The following NXN variants were observed in gnomAD, a reference collection of about 807,000 sequenced individuals.
The protein encoded by NXN is nucleoredoxin, also known as nucleoredoxin 1.
NXN carries 16 observed loss-of-function variants against 48.6 expected under a neutral mutation model. The ratio of observed to expected loss-of-function variants is 0.33; its 90% CI spans 0.22 to 0.50. NXN has a LOEUF of 0.50. Among genes scored for constraint, NXN ranks in the 20% least tolerant of loss-of-function variants. NXN has a pLI of 0.98. For missense variants in NXN, 492 were observed against 605.5 expected (o/e 0.81, Z 1.97); for synonymous variants, 281 against 269.6 (o/e 1.04, Z -0.41).
intron 5 of NXN, among the ~76,000 whole-genome samples, chr17:810,150 ACTG>A (rs1173333241): frequency 3.5e-4 from 30 of 86,044 alleles, no homozygotes; most frequent in Admixed American, 5.9e-4. Context: ...CGAGTCTGTG[ACTG>A]GCGTGCACGT....
intron 5 of NXN, among the ~76,000 whole-genome samples, chr17:814,321 C>T (rs1440406519): frequency 6.6e-6 from 1 of 152,072 alleles, no homozygotes; most frequent in African/African-American, 2.4e-5. Flanking sequence ...TTTCAGGTGA[C>T]CCCCTGGCCT....
chr17:853,241 T>G (rs932218736), intron 1 of NXN, among the ~76,000 whole-genome samples: 6 of 152,094 alleles, frequency 3.9e-5, no homozygotes, highest in South Asian at 2.1e-4. Context: ...GTCAGGAGTT[T>G]GAGACCAGCC....
chr17:876,551 G>A (rs1343621351), intron 1 of NXN, among the ~76,000 whole-genome samples: 1 of 152,204 alleles, frequency 6.6e-6, no homozygotes, highest in African/African-American at 2.4e-5. Context: ...TGGAGAGTAG[G>A]AAGTAAGAGT....
At chr17:805,282 G>A (rs760004624) in intron 5 of NXN, 35 bp from the exon 6 acceptor site, 15 of 1,578,110 alleles carry the variant, frequency 9.5e-6, no homozygotes, top group Admixed American at 6.9e-5. Flanking sequence ...CCGCTGGCCC[G>A]GGAGATGCTG....
At chr17:960,771 C>A (rs2150628487) in intron 1 of NXN, among the ~76,000 whole-genome samples, 1 of 151,098 alleles carries the variant, frequency 6.6e-6, no homozygotes, top group African/African-American at 2.5e-5. Context: ...AGCCACCACG[C>A]CTGGCCAATT....
rs2150630194 is a variant in NXN at position 962,425 on chromosome 17, T to C, written c.360+16894A>G. Reference sequence around the variant, plus strand: ...ACTCACGCCTGTAATCCCAAGACTTTGGGAGGTGGAAGCAGGTGGATCACT... The same window carrying C: ...ACTCACGCCTGTAATCCCAAGACTTCGGGAGGTGGAAGCAGGTGGATCACT... On this transcript the variant is annotated intron_variant, in intron 1 of 7. Coordinates refer to ENST00000336868, the MANE Select transcript of NXN (RefSeq NM_022463.5). Among the ~76,000 whole-genome samples the C allele has an allele frequency of 3.9e-5, 6 of 152,066 alleles. 1 individual carries two copies. In the Middle Eastern group the frequency reaches 0.02, roughly 517 times the overall value.
At chr17:809,837 G>A (rs1440082626) in intron 5 of NXN, among the ~76,000 whole-genome samples, 3 of 152,046 alleles carry the variant, frequency 2.0e-5, no homozygotes, top group Non-Finnish European at 2.9e-5. Context: ...GGCACCTTAC[G>A]AGCCAGTGCG....
intron 1 of NXN, among the ~76,000 whole-genome samples, chr17:846,156 C>T (rs189889120): frequency 6.0e-4 from 92 of 152,090 alleles, no homozygotes; most frequent in African/African-American, 2.0e-3. Context: ...TTGCCAGGCA[C>T]GGTGGCTTGT....
intron 1 of NXN, among the ~76,000 whole-genome samples, chr17:884,367 T>G (rs890428128): frequency 6.6e-6 from 1 of 152,156 alleles, no homozygotes; most frequent in Non-Finnish European, 1.5e-5. Flanking sequence ...ACTGCACCAC[T>G]GCACTCCAGC....
intron 1 of NXN, chr17:930,242 C>T (rs2068840094): frequency 6.6e-6 from 1 of 152,138 alleles, no homozygotes. Flanking sequence ...CAAAACCAGC[C>T]TGGCCAAGAT....
At chr17:974,275 C>T (rs531718891) in intron 1 of NXN, among the ~76,000 whole-genome samples, 2 of 151,734 alleles carry the variant, frequency 1.3e-5, no homozygotes, top group African/African-American at 2.4e-5. Context: ...GGCGTGAACC[C>T]GGGAGGCGGA....
At chr17:910,145 C>T (rs2068622068) in intron 1 of NXN, among the ~76,000 whole-genome samples, 1 of 152,148 alleles carries the variant, frequency 6.6e-6, no homozygotes, top group Admixed American at 6.5e-5. Flanking sequence ...GGCCTGGCAG[C>T]TCACGCCTGT....
intron 1 of NXN, among the ~76,000 whole-genome samples, chr17:847,492 G>A (rs562490713): frequency 5.3e-5 from 8 of 152,234 alleles, no homozygotes; most frequent in South Asian, 2.1e-4. Context: ...GGCCTGGACC[G>A]GTCCACAGCG....
At chr17:891,707 GC>G (rs1190685391) in intron 1 of NXN, among the ~76,000 whole-genome samples, 1 of 103,104 alleles carries the variant, frequency 9.7e-6, no homozygotes, top group Admixed American at 1.1e-4. Context: ...ACCATGCACA[GC>G]CCAACAGGGA....
intron 1 of NXN, among the ~76,000 whole-genome samples, chr17:899,503 G>A (rs2144893882): frequency 6.6e-6 from 1 of 152,288 alleles, no homozygotes; most frequent in African/African-American, 2.4e-5. Flanking sequence ...CTGCAAAGAA[G>A]ATACAGCTTG....
At chr17:850,115 T>TGC (rs1314929416) in intron 1 of NXN, among the ~76,000 whole-genome samples, 1 of 152,214 alleles carries the variant, frequency 6.6e-6, no homozygotes, top group Non-Finnish European at 1.5e-5. Flanking sequence ...TCTGTGTGTG[T>TGC]GCGTGGAGAG....
chr17:812,077 G>A (rs1223445326), intron 5 of NXN, among the ~76,000 whole-genome samples: 6 of 151,386 alleles, frequency 4.0e-5, no homozygotes, highest in African/African-American at 7.3e-5. Flanking sequence ...ACAGGCGCCC[G>A]TCACCACGCC....
In NXN at chr17:931,660, C is replaced by G. The variant is rs866086397; in HGVS notation, c.360+47659G>C. Among the ~76,000 whole-genome samples, 107 of 148,554 alleles carry G rather than the reference C, an allele frequency of 7.2e-4. 1 individual carries two copies. Among genetic ancestry groups the G allele is most frequent in the African/African-American group, 2.5e-3 (101 of 40,236 alleles). On this transcript the variant is annotated intron_variant, in intron 1 of 7. Coordinates refer to ENST00000336868, the MANE Select transcript of NXN (RefSeq NM_022463.5). Reference sequence around the variant, plus strand: ...GACCATCCCGGCTAACACAGTGAAACCCTGTCTCTGCTAAAAATACAAAAA... The same window carrying G: ...GACCATCCCGGCTAACACAGTGAAAGCCTGTCTCTGCTAAAAATACAAAAA...
intron 1 of NXN, among the ~76,000 whole-genome samples, chr17:885,622 GCCC>G (rs1567848507): frequency 4.2e-5 from 1 of 23,746 alleles, no homozygotes; most frequent in Non-Finnish European, 8.0e-5. Context: ...GCGCACACAT[GCCC>G]CTCTCTGAAG....
Sources: allele counts gnomAD v4.1 joint callset (sites outside exome capture counted in the v4.1 genomes callset), GRCh38; gene constraint gnomAD v4.1.1; transcripts MANE v1.5; gene names NCBI Gene and HGNC (gene_info 2026-07-23, HGNC 2026-07-21).